CLASP1: variants seen among roughly 807,000 people sequenced by gnomAD.
CLASP1 encodes the protein CLIP-associating protein 1.
Under a neutral mutation model 192.3 loss-of-function variants are expected in CLASP1, and 38 were observed. The ratio of observed to expected loss-of-function variants is 0.20; its 90% confidence interval spans 0.15 to 0.26. CLASP1 has a LOEUF of 0.26. CLASP1 is among the 10% of genes least tolerant of loss of function. The probability of loss-of-function intolerance (pLI) is 1.00; values close to 1 mark genes in which losing one functional copy is unlikely to be tolerated. For missense variants in CLASP1, 1,433 were observed against 1,932.5 expected, an observed-to-expected ratio of 0.74 and a Z score of 4.85; for synonymous variants, 691 against 712.8, an observed-to-expected ratio of 0.97 and a Z score of 0.49.
chr2:121,640,617 T>C (rs2071866721), intron 1 of CLASP1, among the ~76,000 whole-genome samples: 1 of 151,622 alleles, frequency 6.6e-6, no homozygotes. Flanking sequence ...TGCTGCCAGA[T>C]AGTGGCAGCA....
At position 121,375,361 on chromosome 2, in the gene CLASP1, A is replaced by ATT. The variant is rs34714381; in HGVS notation, c.3642+2136_3642+2137dup. On this transcript the variant is annotated intron_variant, in intron 34 of 39. Transcript: ENST00000263710. Reference sequence around the variant, plus strand: ...TTTCTTATAAATTACCTAGTTTCTGATTTTTTTTTTTTTTTTTTTTTGAGA... The same window carrying ATT: ...TTTCTTATAAATTACCTAGTTTCTGATTTTTTTTTTTTTTTTTTTTTTTGAGA... Among the ~76,000 whole-genome samples the ATT allele has an allele frequency of 6.2e-3, 729 of 116,926 alleles. 20 individuals are homozygous for ATT. The highest frequency in any genetic ancestry group is 0.018 in the African/African-American group (549 of 30,152). The allele number at this position is 116,926 out of a possible 152,430, so 76.7% of individuals were successfully genotyped here.
chr2:121,440,187 C>T (rs181444236), intron 19 of CLASP1, among the ~76,000 whole-genome samples: 4 of 150,702 alleles, frequency 2.7e-5, no homozygotes, highest in East Asian at 3.9e-4. Flanking sequence ...TGGTTTTGAA[C>T]ATTTCCTTAC....
intron 8 of CLASP1, chr2:121,470,725 G>A: frequency 2.4e-6 from 1 of 423,326 alleles, no homozygotes; most frequent in South Asian, 1.7e-5. Context: ...GTCAAAGAGT[G>A]TAAAAGTTCT....
intron 19 of CLASP1, among the ~76,000 whole-genome samples, chr2:121,431,338 T>A (rs997290051): frequency 6.6e-6 from 1 of 152,216 alleles, no homozygotes; most frequent in African/African-American, 2.4e-5. Context: ...CAACTATATA[T>A]GAGTCCATTC....
At position 121,381,333 on chromosome 2, in the gene CLASP1, C is replaced by T. The variant is rs906877081; in HGVS notation, c.3491+875G>A. ...TTTTTTTTTAACCCTTTTCCTATCACACCCTCTATTATAGAGGATAGAAAC... is the reference window on the plus strand; with the variant it reads ...TTTTTTTTTAACCCTTTTCCTATCATACCCTCTATTATAGAGGATAGAAAC... On this transcript the variant is annotated intron_variant, in intron 33 of 39. Coordinates refer to ENST00000263710, the Ensembl canonical transcript of CLASP1. Among the ~76,000 whole-genome samples, 2 of 151,654 alleles carry T rather than the reference C, an allele frequency of 1.3e-5. 1 individual carries two copies. Among genetic ancestry groups the T allele is most frequent in the Admixed American group, 1.3e-4 (2 of 15,230 alleles).
intron 8 of CLASP1, among the ~76,000 whole-genome samples, chr2:121,478,201 A>C (rs1340768308): frequency 6.6e-6 from 1 of 152,178 alleles, no homozygotes; most frequent in Non-Finnish European, 1.5e-5. Context: ...TGTCATATTA[A>C]TATAATAAAA....
At chr2:121,581,323 G>A (rs1412823355) in intron 2 of CLASP1, among the ~76,000 whole-genome samples, 1 of 135,710 alleles carries the variant, frequency 7.4e-6, no homozygotes. Flanking sequence ...GCCGGACTGC[G>A]GACTGCAGTG....
intron 12 of CLASP1, among the ~76,000 whole-genome samples, 187 bp from the exon 13 acceptor site, chr2:121,459,162 TA>T (rs566126237): frequency 6.7e-6 from 1 of 149,894 alleles, no homozygotes; most frequent in Non-Finnish European, 1.5e-5. Flanking sequence ...TTTTTTTTTT[TA>T]AAAAAAAACA....
At chr2:121,531,897 G>A (rs2094901215) in intron 2 of CLASP1, among the ~76,000 whole-genome samples, 1 of 152,048 alleles carries the variant, frequency 6.6e-6, no homozygotes, top group Admixed American at 6.6e-5. Context: ...ATGTGAAATA[G>A]TGAGCTTTTT....
intron 1 of CLASP1, among the ~76,000 whole-genome samples, chr2:121,634,384 C>G (rs2070403370): frequency 6.6e-6 from 1 of 152,132 alleles, no homozygotes; most frequent in Non-Finnish European, 1.5e-5. Flanking sequence ...TTTAAAGACT[C>G]TCTGTTTTTA....
intron 7 of CLASP1, chr2:121,504,089 G>C (rs908848371): frequency 6.6e-6 from 1 of 152,412 alleles, no homozygotes; most frequent in East Asian, 1.9e-4. Context: ...AAAATTAGCT[G>C]GGTGTGGTGG....
At chr2:121,567,657 C>G (rs142820259) in intron 2 of CLASP1, among the ~76,000 whole-genome samples, 1 of 152,310 alleles carries the variant, frequency 6.6e-6, no homozygotes, top group African/African-American at 2.4e-5. Flanking sequence ...ATTTTTCTCC[C>G]TTTAACTCCC....
chr2:121,463,315 T>G (rs888081167), intron 9 of CLASP1, among the ~76,000 whole-genome samples: 11 of 152,212 alleles, frequency 7.2e-5, no homozygotes, highest in African/African-American at 2.7e-4. Flanking sequence ...TTACATGGAT[T>G]AGTCTGATTG....
At chr2:121,517,833 C>CCTCAGAGA (rs1343818250) in intron 6 of CLASP1, among the ~76,000 whole-genome samples, 1 of 131,010 alleles carries the variant, frequency 7.6e-6, no homozygotes, top group African/African-American at 2.9e-5. Flanking sequence ...CACACTCTAG[C>CCTCAGAGA]CTCAGAGACA....
At chr2:121,614,222 G>A (rs1040578856) in intron 1 of CLASP1, among the ~76,000 whole-genome samples, 1 of 152,194 alleles carries the variant, frequency 6.6e-6, no homozygotes, top group Non-Finnish European at 1.5e-5. Flanking sequence ...GAAGCCGGGC[G>A]CGGTGGCTCA....
At chr2:121,457,250 C>T (rs2086858092) in intron 14 of CLASP1, among the ~76,000 whole-genome samples, 1 of 152,150 alleles carries the variant, frequency 6.6e-6, no homozygotes, top group African/African-American at 2.4e-5. Context: ...CAAACACATA[C>T]CTTTCCCCTC....
chr2:121,376,530 G>A (rs890560167), intron 34 of CLASP1, among the ~76,000 whole-genome samples: 11 of 151,832 alleles, frequency 7.2e-5, no homozygotes, highest in Admixed American at 2.6e-4. Context: ...AAGGGGTGGG[G>A]GGGGGGTCGG....
intron 19 of CLASP1, among the ~76,000 whole-genome samples, chr2:121,439,288 CATTA>C (rs1246449222): frequency 6.6e-6 from 1 of 152,110 alleles, no homozygotes; most frequent in Non-Finnish European, 1.5e-5. Flanking sequence ...CTCCTGGATT[CATTA>C]ATTTTTTGAA....
At chr2:121,443,279 GAA>G (rs11449320) in intron 19 of CLASP1, among the ~76,000 whole-genome samples, 2 of 137,222 alleles carry the variant, frequency 1.5e-5, no homozygotes. Flanking sequence ...GGAACTGGTG[GAA>G]AAAAAAAAAA....
Sources: gnomAD v4.1 joint callset for allele counts (sites outside exome capture counted in the v4.1 genomes callset) on GRCh38, gnomAD v4.1.1 for gene constraint, MANE v1.5 for transcripts, NCBI Gene and HGNC (gene_info 2026-07-23, HGNC 2026-07-21) for gene names.